ZSCAN4: variants seen among roughly 807,000 people sequenced by gnomAD.
The protein encoded by ZSCAN4 is zinc finger and SCAN domain containing 4.
ZSCAN4 carries 18 observed loss-of-function variants against 18.3 expected under a neutral mutation model. The observed-to-expected ratio is 0.98, with a 90% confidence interval of 0.68 to 1.46. The LOEUF (loss-of-function observed/expected upper bound fraction) is 1.46. ZSCAN4 is among the 40% of genes most tolerant of loss of function. ZSCAN4 has a pLI of 0.00. For missense variants in ZSCAN4, 498 were observed against 511.4 expected, an observed-to-expected ratio of 0.97 and a Z score of 0.25; for synonymous variants, 193 against 180.3, an observed-to-expected ratio of 1.07 and a Z score of -0.57.
chr19:57,654,286 CCT>C, the ZSCAN4 span, among the ~76,000 whole-genome samples: 2 of 152,088 alleles, frequency 1.3e-5, no homozygotes, highest in Non-Finnish European at 2.9e-5. Context: ...GAATTTACCC[CCT>C]GTCATTCTAC....
chr19:57,666,359 T>C (rs1983847910), upstream of ZSCAN4, among the ~76,000 whole-genome samples: 1 of 152,152 alleles, frequency 6.6e-6, no homozygotes, highest in Non-Finnish European at 1.5e-5. Context: ...TTTACGACTG[T>C]TGTAGCTTTT....
chr19:57,671,819 C>G (rs529972825), intron 2 of ZSCAN4, among the ~76,000 whole-genome samples: 20 of 152,304 alleles, frequency 1.3e-4, no homozygotes, highest in Non-Finnish European at 2.8e-4. Flanking sequence ...ATCAGGGTAG[C>G]AGATCTGGTC....
chr19:57,654,763 G>A, the ZSCAN4 span, among the ~76,000 whole-genome samples: 1 of 151,954 alleles, frequency 6.6e-6, no homozygotes, highest in Non-Finnish European at 1.5e-5. Context: ...CCATCCCCTT[G>A]GATCCAGCCT....
intron 2 of ZSCAN4, among the ~76,000 whole-genome samples, chr19:57,674,711 T>G (rs1469931643): frequency 1.3e-5 from 2 of 152,120 alleles, no homozygotes; most frequent in Non-Finnish European, 2.9e-5. Flanking sequence ...ATGGTTCTAT[T>G]TTTAGTTCTC....
chr19:57,653,176 G>T, the ZSCAN4 span, among the ~76,000 whole-genome samples: 33 of 152,250 alleles, frequency 2.2e-4, 1 homozygote, highest in African/African-American at 4.8e-4. Flanking sequence ...TCAAGGCCTT[G>T]ATGAAAATCC....
At chr19:57,674,102 T>C (rs995966507) in intron 2 of ZSCAN4, among the ~76,000 whole-genome samples, 2 of 152,232 alleles carry the variant, frequency 1.3e-5, no homozygotes, top group Admixed American at 1.3e-4. Context: ...TATTACAATA[T>C]TCAGTTCATT....
chr19:57,653,783 T>C, the ZSCAN4 span, among the ~76,000 whole-genome samples: 4 of 152,356 alleles, frequency 2.6e-5, no homozygotes, highest in South Asian at 2.1e-4. Flanking sequence ...AACAGGGTCA[T>C]TGGGCAAAAG....
intron 2 of ZSCAN4, among the ~76,000 whole-genome samples, chr19:57,675,048 G>A (rs1984137355): frequency 1.3e-5 from 2 of 148,368 alleles, no homozygotes; most frequent in Non-Finnish European, 3.0e-5. Context: ...CCCACTTCCC[G>A]GGTTCAAGGG....
At chr19:57,672,961 G>A (rs376685467) in intron 2 of ZSCAN4, among the ~76,000 whole-genome samples, 6 of 152,030 alleles carry the variant, frequency 3.9e-5, no homozygotes, top group African/African-American at 1.2e-4. Flanking sequence ...ATTAGCTATA[G>A]CCACCATGCC....
At chr19:57,656,249 G>A in the ZSCAN4 span, among the ~76,000 whole-genome samples, 1 of 152,142 alleles carries the variant, frequency 6.6e-6, no homozygotes, top group African/African-American at 2.4e-5. Flanking sequence ...CAGCAGCCTG[G>A]CAGGTGGCCC....
exon 3 of ZSCAN4, chr19:57,676,409 C>T: frequency 6.2e-7 from 1 of 1,614,134 alleles, no homozygotes; most frequent in Non-Finnish European, 8.5e-7. Flanking sequence ...CTCTATTAGT[C>T]CTGGAGCAGT....
chr19:57,679,045 G>A (rs766943880), exon 5 of ZSCAN4: 123 of 1,038,820 alleles, frequency 1.2e-4, no homozygotes, highest in Non-Finnish European at 1.4e-4. Flanking sequence ...TAAGGCTAAG[G>A]AGAGCATGGA....
At chr19:57,664,297 C>T (rs537299056), upstream of ZSCAN4, 1 of 153,032 alleles carries the variant, frequency 6.5e-6, no homozygotes, top group East Asian at 2.0e-4. Context: ...AGCTGCGGGG[C>T]TCGGTGGACT....
At chr19:57,671,510 AAG>A (rs1555752299) in intron 2 of ZSCAN4, among the ~76,000 whole-genome samples, 4 of 146,640 alleles carry the variant, frequency 2.7e-5, no homozygotes, top group African/African-American at 7.6e-5. Context: ...AAAAAAAAAA[AAG>A]AGAGAGAGAG....
chr19:57,670,526 C>T (rs1266456702), exon 2 of ZSCAN4: 3 of 152,266 alleles, frequency 2.0e-5, no homozygotes, highest in Non-Finnish European at 2.9e-5. Flanking sequence ...AGTCACACAT[C>T]AGCTCAGTGT....
upstream of ZSCAN4, among the ~76,000 whole-genome samples, chr19:57,665,380 C>T (rs973630218): frequency 6.6e-6 from 1 of 152,146 alleles, no homozygotes; most frequent in Admixed American, 6.5e-5. Context: ...CCGCAGCACA[C>T]CCCTTACCAT....
At chr19:57,659,391 A>T in the ZSCAN4 span, among the ~76,000 whole-genome samples, 1 of 146,894 alleles carries the variant, frequency 6.8e-6, no homozygotes, top group Admixed American at 6.9e-5. Flanking sequence ...AAAATATGCA[A>T]TAATTTTTTT....
At chr19:57,670,936 C>T (rs1352346631) in intron 2 of ZSCAN4, among the ~76,000 whole-genome samples, 1 of 151,720 alleles carries the variant, frequency 6.6e-6, no homozygotes, top group Non-Finnish European at 1.5e-5. Flanking sequence ...TCACAGCTCA[C>T]TGCAGCTTCA....
At chr19:57,659,435 G>A in the ZSCAN4 span, among the ~76,000 whole-genome samples, 1 of 152,144 alleles carries the variant, frequency 6.6e-6, no homozygotes, top group South Asian at 2.1e-4. Flanking sequence ...TGTCCAGGCT[G>A]GAGTTCAGTG....
Sources: allele counts gnomAD v4.1 joint callset (sites outside exome capture counted in the v4.1 genomes callset), GRCh38; gene constraint gnomAD v4.1.1; transcripts MANE v1.5; gene names NCBI Gene and HGNC (gene_info 2026-07-23, HGNC 2026-07-21).